Variants in UGT2A1 observed in about 807,000 individuals in gnomAD.
UGT2A1 encodes UDP glucuronosyltransferase family 2 member A1 complex locus, also known as UDP-glucuronosyltransferase 2A1.
A neutral mutation model predicts 45.4 loss-of-function variants in UGT2A1; 61 were observed. The ratio of observed to expected loss-of-function variants is 1.34; its 90% confidence interval spans 1.09 to 1.66. The LOEUF (loss-of-function observed/expected upper bound fraction) is 1.66. Among genes scored for constraint, UGT2A1 ranks in the 40% most tolerant of loss-of-function variants. The pLI is 0.00. For synonymous variants in UGT2A1, 229 were observed against 196.2 expected (o/e 1.17, Z -1.40); for missense variants, 649 against 574.3 (o/e 1.13, Z -1.33).
At chr4:69,595,115 C>A (rs752513302) in intron 5 of UGT2A1, 47 bp downstream of exon 5, 1 of 1,605,150 alleles carries the variant, frequency 6.2e-7, no homozygotes, top group African/African-American at 1.3e-5. Context: ...AGTTACTTAA[C>A]TTGTCTATTG....
At chr4:69,602,474 T>TCTAC (rs1180211329) in intron 3 of UGT2A1, among the ~76,000 whole-genome samples, 1 of 128,632 alleles carries the variant, frequency 7.8e-6, no homozygotes, top group African/African-American at 3.3e-5. Flanking sequence ...TATCTATCTA[T>TCTAC]CTATCTATCT....
rs1285237884 is a variant in UGT2A1 at position 69,607,896 on chromosome 4, C to T, written c.848-8502G>A. Among the ~76,000 whole-genome samples, 14 of 152,122 alleles carry T rather than the reference C, an allele frequency of 9.2e-5. No individual in the cohort carries two copies. The East Asian group carries it at 1.4e-3, about 15-fold the overall frequency. On this transcript the variant is annotated intron_variant, in intron 3 of 6. Coordinates refer to ENST00000286604, the MANE Select transcript of UGT2A1 (RefSeq NM_001252275.3). ...TACCATCTCACACCAGTTAGAATGGCGATCATTAAAAAGTCAGGAAACAAC... is the reference window on the plus strand; with the variant it reads ...TACCATCTCACACCAGTTAGAATGGTGATCATTAAAAAGTCAGGAAACAAC...
intron 6 of UGT2A1, among the ~76,000 whole-genome samples, chr4:69,590,463 T>C (rs1718523432): frequency 6.6e-6 from 1 of 152,188 alleles, no homozygotes; most frequent in South Asian, 2.1e-4. Context: ...GGTTTGTGTC[T>C]GGAAGAAAAG....
intron 3 of UGT2A1, among the ~76,000 whole-genome samples, chr4:69,633,558 A>T (rs1200176712): frequency 6.6e-6 from 1 of 152,216 alleles, no homozygotes; most frequent in African/African-American, 2.4e-5. Context: ...TTCCATCAGC[A>T]GTAGAATGGA....
intron 3 of UGT2A1, among the ~76,000 whole-genome samples, chr4:69,616,833 C>CTT (rs4148315): frequency 0.04 from 5,093 of 127,226 alleles, 210 homozygotes; most frequent in East Asian, 0.18. Context: ...ATTTTCTTTT[C>CTT]TTTTTTTTTT....
At chr4:69,607,391 T>G (rs943825282) in intron 3 of UGT2A1, among the ~76,000 whole-genome samples, 8 of 151,774 alleles carry the variant, frequency 5.3e-5, no homozygotes, top group African/African-American at 1.9e-4. Context: ...CCTGGATCCC[T>G]TCCTTACACC....
chr4:69,627,566 G>A (rs192407210), intron 3 of UGT2A1, among the ~76,000 whole-genome samples: 9,111 of 145,022 alleles, frequency 0.063, 420 homozygotes, highest in Non-Finnish European at 0.095. Context: ...GAGAGAGAGA[G>A]AAAGAAAGAG....
At chr4:69,634,193 C>A (rs1228414231) in intron 3 of UGT2A1, among the ~76,000 whole-genome samples, 3 of 151,874 alleles carry the variant, frequency 2.0e-5, no homozygotes, top group Admixed American at 6.6e-5. Context: ...TGCAGTGAGC[C>A]GAGATCGCGC....
intron 3 of UGT2A1, chr4:69,599,825 G>C (rs550191884): frequency 6.4e-6 from 1 of 155,962 alleles, no homozygotes; most frequent in African/African-American, 2.4e-5. Context: ...TAATGTGTAA[G>C]TGTAATTTCA....
chr4:69,646,253 G>C (rs1289484116), intron 2 of UGT2A1, among the ~76,000 whole-genome samples: 1 of 151,724 alleles, frequency 6.6e-6, no homozygotes, highest in Non-Finnish European at 1.5e-5. Context: ...AAATGGGCAA[G>C]GCCTGTTTGA....
In UGT2A1 at chr4:69,598,710, GT is replaced by G. The variant is rs4148317; in HGVS notation, c.996+535del. On this transcript the variant is annotated intron_variant, in intron 4 of 6. Coordinates refer to ENST00000286604, the MANE Select transcript of UGT2A1 (RefSeq NM_001252275.3). The stretch of plus-strand genomic sequence containing the variant: ...AACTCACCATTGTCAACTCAAAAGA[GT>G]TTTTTTTTTAACCAATTGTTTCCTA... Among the ~76,000 whole-genome samples the G allele has an allele frequency of 2.2e-3, 324 of 149,154 alleles. 2 individuals carry two copies. The highest frequency in any genetic ancestry group is 7.2e-3 in the African/African-American group (291 of 40,690).
intron 1 of UGT2A1, among the ~76,000 whole-genome samples, chr4:69,652,969 T>C (rs748419040): frequency 7.2e-5 from 11 of 152,194 alleles, no homozygotes; most frequent in Non-Finnish European, 1.5e-4. Context: ...GTCCACACAG[T>C]TCCCTCGATA....
rs1718389496 is a variant in UGT2A1 at position 69,588,632 on chromosome 4, A to C, written c.*740T>G. Reference sequence around the variant, plus strand: ...CTCTAAATATGATCTGTTCACCTTCAACATATAACATAGAACTTTCTCCTT... The same window carrying C: ...CTCTAAATATGATCTGTTCACCTTCCACATATAACATAGAACTTTCTCCTT... On this transcript the variant is annotated 3_prime_UTR_variant, in exon 7 of 7. Coordinates refer to ENST00000286604, the MANE Select transcript of UGT2A1 (RefSeq NM_001252275.3). 1 of 152,022 alleles carries C rather than the reference A, an allele frequency of 6.6e-6. No homozygotes were observed. The highest frequency in any genetic ancestry group is 1.5e-5 in the Non-Finnish European group (1 of 67,986). 9.4% of individuals were successfully genotyped at this position (152,022 alleles called of 1,614,324 possible). A position where few individuals can be genotyped will look rare whatever the true frequency, so the allele number is the denominator to read the frequency against.
chr4:69,638,717 A>G (rs974112671), intron 2 of UGT2A1, among the ~76,000 whole-genome samples: 2 of 152,162 alleles, frequency 1.3e-5, no homozygotes, highest in African/African-American at 4.8e-5. Context: ...ACATATTAAT[A>G]CCACCATTTC....
chr4:69,646,567 C>A (rs776092019), intron 2 of UGT2A1, among the ~76,000 whole-genome samples: 16 of 151,698 alleles, frequency 1.1e-4, no homozygotes, highest in African/African-American at 3.6e-4. Context: ...TAATAATAAG[C>A]TTGTGGAAAG....
intron 6 of UGT2A1, among the ~76,000 whole-genome samples, chr4:69,590,219 G>A (rs568791226): frequency 6.6e-6 from 1 of 152,252 alleles, no homozygotes; most frequent in East Asian, 1.9e-4. Context: ...AAATACTCTG[G>A]TGATTTAAGA....
At position 69,588,441 on chromosome 4, in the gene UGT2A1, AT is replaced by A. The variant is rs1718377664; in HGVS notation, c.*930del. On this transcript the variant is annotated 3_prime_UTR_variant, in exon 7 of 7. Transcript: ENST00000286604. ...ATCAAATTCCAAGTAAGCATTTTTT[AT>A]TTTTTGGCATAAAATTAAACTTTTG... The A allele has an allele frequency of 1.3e-5, 2 of 152,050 alleles. No individual in the cohort carries two copies. Among genetic ancestry groups the A allele is most frequent in the African/African-American group, 4.8e-5 (2 of 41,432 alleles). The allele number at this position is 152,050 out of a possible 1,614,324, so 9.4% of individuals were successfully genotyped here.
At chr4:69,598,396 C>T (rs1263988197) in intron 4 of UGT2A1, among the ~76,000 whole-genome samples, 5 of 151,986 alleles carry the variant, frequency 3.3e-5, no homozygotes, top group Admixed American at 6.6e-5. Flanking sequence ...CTCTATTTTG[C>T]TTCTCAACAC....
chr4:69,590,753 A>G (rs1718550811), intron 6 of UGT2A1, among the ~76,000 whole-genome samples: 1 of 152,178 alleles, frequency 6.6e-6, no homozygotes, highest in South Asian at 2.1e-4. Flanking sequence ...AAATTTGTAC[A>G]TGTGAATCAA....
Sources: allele counts gnomAD v4.1 joint callset (sites outside exome capture counted in the v4.1 genomes callset), GRCh38; gene constraint gnomAD v4.1.1; transcripts MANE v1.5; gene names NCBI Gene and HGNC (gene_info 2026-07-23, HGNC 2026-07-21).